Variants in MEGF11 observed in about 807,000 individuals in gnomAD.
MEGF11 encodes the protein multiple epidermal growth factor-like domains protein 11.
MEGF11 carries 126 observed loss-of-function variants against 146.6 expected under a neutral mutation model. The observed-to-expected ratio is 0.86, with a 90% CI of 0.74 to 1.00. The LOEUF (loss-of-function observed/expected upper bound fraction) is 1.00. Among genes scored for constraint, MEGF11 ranks in the 50% least tolerant of loss-of-function variants. The pLI, the probability that MEGF11 is intolerant of heterozygous loss-of-function variation, is 0.00. For missense variants in MEGF11, 1,509 were observed against 1,521.2 expected, an observed-to-expected ratio of 0.99 and a Z score of 0.13; for synonymous variants, 532 against 583.4, an observed-to-expected ratio of 0.91 and a Z score of 1.27.
chr15:66,253,446 G>A (rs2092404536), intron 1 of MEGF11, among the ~76,000 whole-genome samples, 159 bp downstream of exon 1: 1 of 152,214 alleles, frequency 6.6e-6, no homozygotes, highest in Non-Finnish European at 1.5e-5. Flanking sequence ...TTCGGCAGCC[G>A]GGACCCGGGC....
chr15:66,219,311 C>A lies in MEGF11; in HGVS notation c.-9+34294G>T, dbSNP rs562056203. 1.2e-4 allele frequency among the ~76,000 whole-genome samples: 18 copies of A among 152,234 alleles called. No individual in the cohort carries two copies. The East Asian group carries it at 3.3e-3, about 28-fold the overall frequency. ...AGAAAATATCTGCACATCACATAGC[C>A]AACAAAGGACTTATATCCAGCTGCA... On this transcript the variant is annotated intron_variant, in intron 1 of 25. Transcript: ENST00000395614.
intron 1 of MEGF11, among the ~76,000 whole-genome samples, chr15:66,138,871 T>C (rs1169923200): frequency 6.6e-6 from 1 of 152,186 alleles, no homozygotes; most frequent in Non-Finnish European, 1.5e-5. Context: ...TTGTCCTCTC[T>C]GATGGGGCGT....
chr15:65,980,845 C>G lies in MEGF11; in HGVS notation c.695G>C (p.Cys232Ser), dbSNP rs764436181. 6 of 1,597,914 alleles carry G rather than the reference C, an allele frequency of 3.8e-6. No homozygotes were observed. The East Asian group carries it at 1.4e-4, about 36-fold the overall frequency. ...GCAGGTGCCCCCATTCTGACAGGGG[C>G]AGCGCAGCTCACAGTGAGCTCCATG... ...GSHGAHCELR[C>S]PCQNGGTCHH... The change falls in exon 7 of 26, where the codon TGC becomes TCC. Residue 232 changes from cysteine (C) to serine (S), a missense_variant. By Grantham distance (112) the Cys-to-Ser change is moderately radical. Transcript: ENST00000395614.
At chr15:65,898,973 A>G (rs1232043064) in intron 24 of MEGF11, 39 bp from the exon 25 acceptor site, 2 of 1,603,308 alleles carry the variant, frequency 1.2e-6, no homozygotes, top group African/African-American at 1.3e-5. Context: ...AAGCAAGAAT[A>G]CAAGTCTTCA....
intron 1 of MEGF11, among the ~76,000 whole-genome samples, chr15:66,159,751 G>A (rs897208455): frequency 2.6e-5 from 4 of 152,120 alleles, no homozygotes; most frequent in African/African-American, 9.7e-5. Flanking sequence ...TTGGGGAAGG[G>A]GGATGCTGAG....
intron 5 of MEGF11, among the ~76,000 whole-genome samples, chr15:66,076,523 C>A (rs2085592485): frequency 6.6e-6 from 1 of 152,178 alleles, no homozygotes; most frequent in Non-Finnish European, 1.5e-5. Flanking sequence ...GACAGAGTCT[C>A]CAGTTCTGCC....
At chr15:66,204,410 TAA>T (rs2091247433) in intron 1 of MEGF11, among the ~76,000 whole-genome samples, 1 of 150,524 alleles carries the variant, frequency 6.6e-6, no homozygotes, top group South Asian at 2.1e-4. Flanking sequence ...GTCTCAAAAA[TAA>T]AAAAGAAAAA....
chr15:65,992,660 CTTT>C lies in MEGF11; in HGVS notation c.395-10175_395-10173del, dbSNP rs75056469. ...ACTTTATCAGGGACTTTATCGGGGA[CTTT>C]TTTTTTTTTTTTAAATCAGCATCTG... On this transcript the variant is annotated intron_variant, in intron 5 of 25. Coordinates refer to ENST00000395614, the MANE Select transcript of MEGF11 (RefSeq NM_001385028.1). 1.1e-4 allele frequency among the ~76,000 whole-genome samples: 15 copies of C among 142,336 alleles called. No homozygotes were observed. The East Asian group carries it at 1.8e-3, about 17-fold the overall frequency. The allele number at this position is 142,336 out of a possible 152,430, so 93.4% of individuals were successfully genotyped here.
At chr15:65,977,566 A>G (rs867042254) in intron 7 of MEGF11, among the ~76,000 whole-genome samples, 1 of 143,918 alleles carries the variant, frequency 6.9e-6, no homozygotes, top group Non-Finnish European at 1.5e-5. Context: ...TGCAACCTCT[A>G]CCTCCTGGTT....
rs375627855 is a variant in MEGF11, at chr15:65,979,798, G to C, written c.762+980C>G. On this transcript the variant is annotated intron_variant, in intron 7 of 25. Coordinates refer to ENST00000395614, the MANE Select transcript of MEGF11 (RefSeq NM_001385028.1). ...CATGAGCCAGCCTCCAACCATGGCA[G>C]CTGGGCAGGGCAGGGCTCACTGTTG... Among the ~76,000 whole-genome samples the C allele has an allele frequency of 1.6e-4, 25 of 152,354 alleles. 1 individual carries two copies. The highest frequency in any genetic ancestry group is 5.5e-4 in the African/African-American group (23 of 41,582).
chr15:66,202,331 T>C (rs1308503460), intron 1 of MEGF11, among the ~76,000 whole-genome samples: 3 of 152,192 alleles, frequency 2.0e-5, no homozygotes, highest in African/African-American at 4.8e-5. Flanking sequence ...CCCCTGTGTT[T>C]TCACAATGAA....
At chr15:65,913,064 G>C (rs115972056) in intron 20 of MEGF11, among the ~76,000 whole-genome samples, 10 of 152,152 alleles carry the variant, frequency 6.6e-5, no homozygotes, top group African/African-American at 2.2e-4. Context: ...AAAACCTTTC[G>C]TATTTCCAAG....
At chr15:66,118,154 G>A (rs1001085437) in intron 4 of MEGF11, among the ~76,000 whole-genome samples, 1 of 152,144 alleles carries the variant, frequency 6.6e-6, no homozygotes, top group Admixed American at 6.5e-5. Flanking sequence ...GGGCCTCCCA[G>A]CTCCTCTGAC....
intron 10 of MEGF11, among the ~76,000 whole-genome samples, chr15:65,955,761 A>T (rs866108556): frequency 0.21 from 3,080 of 14,594 alleles, 289 homozygotes; most frequent in Non-Finnish European, 0.27. Context: ...AAAAAAAAAA[A>T]ATATATATAT....
chr15:65,907,444 A>G (rs2078662848), intron 23 of MEGF11, among the ~76,000 whole-genome samples: 1 of 151,840 alleles, frequency 6.6e-6, no homozygotes, highest in Non-Finnish European at 1.5e-5. Context: ...ACAGGCATGC[A>G]CCACCACTCC....
intron 5 of MEGF11, among the ~76,000 whole-genome samples, chr15:66,062,700 A>C (rs1336380489): frequency 6.6e-6 from 1 of 152,204 alleles, no homozygotes; most frequent in Non-Finnish European, 1.5e-5. Flanking sequence ...TATGCTACTA[A>C]ATATGTGGGA....
intron 1 of MEGF11, among the ~76,000 whole-genome samples, chr15:66,146,578 C>T (rs949794326): frequency 6.6e-6 from 1 of 152,240 alleles, no homozygotes; most frequent in Admixed American, 6.5e-5. Context: ...CCACGCACGC[C>T]GACACCTCCC....
intron 5 of MEGF11, among the ~76,000 whole-genome samples, chr15:66,012,353 G>T (rs1018162917): frequency 6.6e-6 from 1 of 152,152 alleles, no homozygotes. Flanking sequence ...AGGGCTCTCC[G>T]CTCCCTAGTT....
At chr15:66,041,156 CT>C (rs1415892798) in intron 5 of MEGF11, among the ~76,000 whole-genome samples, 1 of 152,170 alleles carries the variant, frequency 6.6e-6, no homozygotes, top group Non-Finnish European at 1.5e-5. Flanking sequence ...AAGAAGCTGA[CT>C]TTTGAAAATT....
Sources: allele counts gnomAD v4.1 joint callset (sites outside exome capture counted in the v4.1 genomes callset), GRCh38; gene constraint gnomAD v4.1.1; transcripts MANE v1.5; gene names NCBI Gene and HGNC (gene_info 2026-07-23, HGNC 2026-07-21).